Variants in CNTLN observed in about 807,000 individuals in gnomAD.
The protein encoded by CNTLN is centlein, centrosomal protein.
Under a neutral mutation model 180.0 loss-of-function variants are expected in CNTLN, and 212 were observed. That is an observed-to-expected ratio of 1.18 (90% CI 1.05 to 1.32). The LOEUF (loss-of-function observed/expected upper bound fraction) is 1.32, where lower values mean the gene tolerates loss of function less well. Among genes scored for constraint, CNTLN ranks in the 40% most tolerant of loss-of-function variants. CNTLN has a pLI of 0.00. For synonymous variants in CNTLN, 722 were observed against 563.1 expected (o/e 1.28, Z -3.99); for missense variants, 2,095 against 1,610.9 (o/e 1.30, Z -5.14).
chr9:17,333,756 A>C (rs548761616), intron 10 of CNTLN, among the ~76,000 whole-genome samples: 1 of 152,330 alleles, frequency 6.6e-6, no homozygotes, highest in East Asian at 1.9e-4. Flanking sequence ...TAACATGTCC[A>C]AATGACCTCA....
chr9:17,182,789 G>A (rs763127204), intron 2 of CNTLN, among the ~76,000 whole-genome samples: 11 of 152,148 alleles, frequency 7.2e-5, no homozygotes, highest in Non-Finnish European at 1.5e-4. Context: ...AATTAAAACA[G>A]CATTCCAGAT....
intron 12 of CNTLN, among the ~76,000 whole-genome samples, chr9:17,364,300 A>C (rs7862223): frequency 0.017 from 2,605 of 152,070 alleles, 80 homozygotes; most frequent in African/African-American, 0.06. Flanking sequence ...GTATACCTCT[A>C]CTGTTTTCCT....
chr9:17,427,313 A>C (rs1191615109), intron 18 of CNTLN, among the ~76,000 whole-genome samples: 1 of 34,362 alleles, frequency 2.9e-5, no homozygotes, highest in Admixed American at 2.7e-4. Context: ...ATTTTTCAGC[A>C]ATACTCGAAA....
Position 17,493,380 on chromosome 9 carries a change from T to A in CNTLN, c.4119+6314T>A, listed in dbSNP as rs149591817. 6.1e-4 allele frequency among the ~76,000 whole-genome samples: 93 copies of A among 152,224 alleles called. 1 individual carries two copies. In the East Asian group the frequency reaches 0.014, roughly 22 times the overall value. On this transcript the variant is annotated intron_variant, in intron 25 of 25. Transcript: ENST00000380647. ...TAATATAAGAGCCAAAATAGTATAGTCAAATATAGTATGGAACAGTTTTGC... is the reference window on the plus strand; with the variant it reads ...TAATATAAGAGCCAAAATAGTATAGACAAATATAGTATGGAACAGTTTTGC...
rs530199442 is a variant in CNTLN at position 17,205,884 on chromosome 9, C to A, written c.450-20319C>A. On this transcript the variant is annotated intron_variant, in intron 2 of 25. Transcript: ENST00000380647. ...CAGGCAGATCAACAGGCCAAAATTC[C>A]ACCATAACTGCAAACTTAAATGCAG... Among the ~76,000 whole-genome samples, 4 of 152,262 alleles carry A rather than the reference C, an allele frequency of 2.6e-5. No homozygotes were observed. In the South Asian group the frequency reaches 8.3e-4, roughly 32 times the overall value.
In CNTLN at chr9:17,464,510, G is replaced by T; in HGVS notation, c.3418G>T (p.Glu1140Ter). The T allele has an allele frequency of 6.5e-7, 1 of 1,528,222 alleles. No individual in the cohort carries two copies. The highest frequency in any genetic ancestry group is 8.7e-7 in the Non-Finnish European group (1 of 1,148,294). 94.7% of individuals were successfully genotyped at this position (1,528,222 alleles called of 1,614,324 possible). The change falls in exon 21 of 26, where the codon GAG (glutamate) becomes TAG (stop). Residue 1140 changes from glutamate (E) to a stop codon, truncating the protein, a stop_gained. Coordinates refer to ENST00000380647, the MANE Select transcript of CNTLN (RefSeq NM_017738.4). LOFTEE classifies it high-confidence loss of function. The part of the protein sequence containing the change: ...KEMHEKISRM[E>*]RDITMKRHLI... ...TTTTTTTTCAAGGATATCTCGAATGGAGAGGGATATAACTATGAAAAGACA... is the reference window on the plus strand; with the variant it reads ...TTTTTTTTCAAGGATATCTCGAATGTAGAGGGATATAACTATGAAAAGACA...
intron 5 of CNTLN, among the ~76,000 whole-genome samples, chr9:17,243,249 A>G (rs1587308420): frequency 6.6e-6 from 1 of 151,900 alleles, no homozygotes; most frequent in East Asian, 1.9e-4. Context: ...TGTTTTGCCC[A>G]CTTAGTTTAT....
chr9:17,510,059 A>G, the CNTLN span, among the ~76,000 whole-genome samples: 28 of 152,122 alleles, frequency 1.8e-4, no homozygotes, highest in Non-Finnish European at 3.8e-4. Flanking sequence ...GTGATCCTTT[A>G]CGGTATCTCT....
chr9:17,154,769 T>C (rs1819142847), intron 2 of CNTLN, among the ~76,000 whole-genome samples: 1 of 152,186 alleles, frequency 6.6e-6, no homozygotes, highest in African/African-American at 2.4e-5. Flanking sequence ...AATGGACCAA[T>C]CAGCGCTCTG....
intron 5 of CNTLN, among the ~76,000 whole-genome samples, chr9:17,271,710 G>T (rs1175219167): frequency 6.6e-6 from 1 of 151,922 alleles, no homozygotes; most frequent in Non-Finnish European, 1.5e-5. Flanking sequence ...TTTTTATCTT[G>T]CAACTCCACA....
intron 16 of CNTLN, among the ~76,000 whole-genome samples, chr9:17,410,938 A>G (rs1827798341): frequency 6.6e-6 from 1 of 152,162 alleles, no homozygotes; most frequent in Admixed American, 6.5e-5. Flanking sequence ...TGCATGTTGA[A>G]CAAGTTTCCC....
intron 2 of CNTLN, among the ~76,000 whole-genome samples, chr9:17,223,518 C>T (rs1824277523): frequency 6.6e-6 from 1 of 151,964 alleles, no homozygotes; most frequent in Non-Finnish European, 1.5e-5. Flanking sequence ...GTTGTGTAGG[C>T]AAAAGCTTGG....
chr9:17,425,893 T>G (rs928572282), intron 18 of CNTLN, among the ~76,000 whole-genome samples: 2 of 152,178 alleles, frequency 1.3e-5, no homozygotes, highest in African/African-American at 2.4e-5. Flanking sequence ...AGGAGAGAGA[T>G]AAACTGAACA....
chr9:17,377,791 C>G (rs948657116), intron 13 of CNTLN, among the ~76,000 whole-genome samples: 1 of 152,158 alleles, frequency 6.6e-6, no homozygotes, highest in Admixed American at 6.5e-5. Context: ...AATTCCCCAA[C>G]CTCCCCTGTA....
chr9:17,388,142 T>C lies in CNTLN; in HGVS notation c.1988-20T>C, dbSNP rs1825827636. ...CAGCAGTACACGTGGTATCATAATA[T>C]ATTATTTATTCTCTACCAGAACAGC... On this transcript the variant is annotated intron_variant, in intron 13 of 25. Coordinates refer to ENST00000380647, the MANE Select transcript of CNTLN (RefSeq NM_017738.4). 2 of 1,505,208 alleles carry C rather than the reference T, an allele frequency of 1.3e-6. No homozygotes were observed. The highest frequency in any genetic ancestry group is 1.7e-5 in the Admixed American group (1 of 58,820). The allele number at this position is 1,505,208 out of a possible 1,614,324, so 93.2% of individuals were successfully genotyped here.
In CNTLN at chr9:17,399,572, C is replaced by T. The variant is rs980210681; in HGVS notation, c.2615+4503C>T. 2.6e-5 allele frequency among the ~76,000 whole-genome samples: 4 copies of T among 152,134 alleles called. No individual in the cohort carries two copies. In the East Asian group the frequency reaches 5.8e-4, roughly 22 times the overall value. On this transcript the variant is annotated intron_variant, in intron 15 of 25. Transcript: ENST00000380647. ...ATTTGGATCCTTTTAAAGTTTTCAA[C>T]CTTAGTGCTAAAGCCCTTTCCATCT... is the stretch of plus-strand genomic sequence containing the variant.
Position 17,162,905 on chromosome 9 carries a change from T to A in CNTLN, c.449+19529T>A, listed in dbSNP as rs534612875. On this transcript the variant is annotated intron_variant, in intron 2 of 25. Transcript: ENST00000380647. The stretch of plus-strand genomic sequence containing the variant: ...GATTGGAGGATGTTAACTGTATTTT[T>A]AGGCAGACTTCTGGTTTTGATGAGG... Among the ~76,000 whole-genome samples, 4 of 152,332 alleles carry A rather than the reference T, an allele frequency of 2.6e-5. 1 individual carries two copies. Among genetic ancestry groups the A allele is most frequent in the African/African-American group, 9.6e-5 (4 of 41,594 alleles).
chr9:17,256,605 A>G lies in CNTLN; in HGVS notation c.850-17128A>G, dbSNP rs1826508855. Among the ~76,000 whole-genome samples the G allele has an allele frequency of 1.3e-5, 2 of 150,522 alleles. 1 individual carries two copies. Among genetic ancestry groups the G allele is most frequent in the South Asian group, 4.2e-4 (2 of 4,756 alleles). ...AGCTCTTAGTTGTCTTTTATTTGCA[A>G]TTCTAGAATCATGCAGCAACTCATT... On this transcript the variant is annotated intron_variant, in intron 5 of 25. Transcript: ENST00000380647.
At chr9:17,261,537 T>G (rs1213239710) in intron 5 of CNTLN, among the ~76,000 whole-genome samples, 1 of 151,524 alleles carries the variant, frequency 6.6e-6, no homozygotes, top group African/African-American at 2.4e-5. Context: ...TCCTGAAACT[T>G]TACTGAAATT....
Sources: gnomAD v4.1 joint callset for allele counts (sites outside exome capture counted in the v4.1 genomes callset) on GRCh38, gnomAD v4.1.1 for gene constraint, MANE v1.5 for transcripts, NCBI Gene and HGNC (gene_info 2026-07-23, HGNC 2026-07-21) for gene names.